RUNX2: variants seen among roughly 807,000 people sequenced by gnomAD.
The protein encoded by RUNX2 is RUNX family transcription factor 2.
RUNX2 carries 10 observed loss-of-function variants against 51.7 expected under a neutral mutation model. The observed-to-expected ratio is 0.19, with a 90% CI of 0.12 to 0.33. The LOEUF (loss-of-function observed/expected upper bound fraction) is 0.33, where lower values mean the gene tolerates loss of function less well. RUNX2 is among the 10% of genes least tolerant of loss of function. The pLI, the probability that RUNX2 is intolerant of heterozygous loss-of-function variation, is 1.00. For missense variants in RUNX2, 562 were observed against 691.3 expected, an observed-to-expected ratio of 0.81 and a Z score of 2.10; for synonymous variants, 276 against 273.6, an observed-to-expected ratio of 1.01 and a Z score of -0.09.
chr6:45,395,264 A>G (rs891314741), intron 2 of RUNX2, among the ~76,000 whole-genome samples: 2 of 152,322 alleles, frequency 1.3e-5, no homozygotes, highest in Middle Eastern at 3.4e-3. Flanking sequence ...CAAGCTCTTT[A>G]CATGTCACAT....
At chr6:45,456,439 T>C (rs755641681) in intron 5 of RUNX2, among the ~76,000 whole-genome samples, 7 of 152,346 alleles carry the variant, frequency 4.6e-5, no homozygotes, top group South Asian at 2.1e-4. Flanking sequence ...GCCCACTGCA[T>C]TATTTTCTGA....
chr6:45,449,985 C>T (rs1484896615), intron 5 of RUNX2, among the ~76,000 whole-genome samples: 4 of 152,154 alleles, frequency 2.6e-5, no homozygotes, highest in South Asian at 4.1e-4. Context: ...CTACTAACAT[C>T]GTGATGTGTA....
intron 5 of RUNX2, among the ~76,000 whole-genome samples, chr6:45,485,697 G>GTATGTATATATATATATATATATATA (rs1800261446): frequency 1.9e-5 from 2 of 104,034 alleles, no homozygotes; most frequent in African/African-American, 7.6e-5. Flanking sequence ...GTGTGTGTGT[G>GTATGTATATATATATATATATATATA]TATATATATA....
At chr6:45,533,586 T>G (rs1290704037) in intron 7 of RUNX2, among the ~76,000 whole-genome samples, 1 of 152,198 alleles carries the variant, frequency 6.6e-6, no homozygotes, top group East Asian at 1.9e-4. Context: ...ACGCTGAGAC[T>G]GTCAGAGGAA....
chr6:45,460,359 G>A (rs1799438212), intron 5 of RUNX2, among the ~76,000 whole-genome samples: 1 of 152,146 alleles, frequency 6.6e-6, no homozygotes, highest in African/African-American at 2.4e-5. Context: ...TGCTGACCAA[G>A]GACTGTCATT....
chr6:45,397,994 G>A (rs1021358599), intron 2 of RUNX2, among the ~76,000 whole-genome samples: 3 of 152,160 alleles, frequency 2.0e-5, no homozygotes, highest in African/African-American at 7.2e-5. Context: ...TTCAGTGGAT[G>A]ATTTACACTC....
At chr6:45,386,911 AT>A (rs34922591) in intron 2 of RUNX2, among the ~76,000 whole-genome samples, 3 of 152,160 alleles carry the variant, frequency 2.0e-5, no homozygotes, top group Admixed American at 2.0e-4. Context: ...CCTTGGAATA[AT>A]TTTTTTTAAT....
intron 2 of RUNX2, among the ~76,000 whole-genome samples, chr6:45,336,800 T>C (rs1164485451): frequency 6.6e-6 from 1 of 151,482 alleles, no homozygotes; most frequent in African/African-American, 2.4e-5. Context: ...ATAATACATG[T>C]AACTCAAATT....
chr6:45,435,055 A>G (rs192940472), intron 4 of RUNX2, among the ~76,000 whole-genome samples: 1 of 152,300 alleles, frequency 6.6e-6, no homozygotes, highest in African/African-American at 2.4e-5. Flanking sequence ...TGTAGTTGTT[A>G]ATTACATCTT....
chr6:45,456,007 T>C (rs1006640583), intron 5 of RUNX2, among the ~76,000 whole-genome samples: 6 of 152,332 alleles, frequency 3.9e-5, no homozygotes, highest in Non-Finnish European at 8.8e-5. Context: ...AGCATATATA[T>C]GATGCTCAGT....
At chr6:45,370,710 C>T (rs1795919765) in intron 2 of RUNX2, among the ~76,000 whole-genome samples, 1 of 151,974 alleles carries the variant, frequency 6.6e-6, no homozygotes, top group South Asian at 2.1e-4. Context: ...GAAAACTACC[C>T]CCATCCTTTC....
Position 45,460,532 on chromosome 6 carries a change from A to G in RUNX2, c.685+22481A>G, listed in dbSNP as rs145663085. ...CACTTTCAGGATGTTTAAAGGGAGC[A>G]GGGAAATGGGGCAGTAACCGGAAGG... On this transcript the variant is annotated intron_variant, in intron 5 of 8. Transcript: ENST00000647337. 4.8e-3 allele frequency among the ~76,000 whole-genome samples: 728 copies of G among 152,330 alleles called. 3 individuals carry two copies. The highest frequency in any genetic ancestry group is 6.0e-3 in the Non-Finnish European group (411 of 68,030).
At chr6:45,521,403 G>A (rs990440962) in intron 7 of RUNX2, among the ~76,000 whole-genome samples, 7 of 152,202 alleles carry the variant, frequency 4.6e-5, no homozygotes, top group African/African-American at 1.4e-4. Context: ...TATCAAGACT[G>A]TATCTGTTTC....
At chr6:45,428,129 G>A (rs1434885938) in intron 3 of RUNX2, among the ~76,000 whole-genome samples, 1 of 152,156 alleles carries the variant, frequency 6.6e-6, no homozygotes, top group Non-Finnish European at 1.5e-5. Context: ...TAGGATGGAA[G>A]CAAATTCTAA....
chr6:45,338,734 C>T (rs967588), intron 2 of RUNX2, among the ~76,000 whole-genome samples: 23,344 of 152,016 alleles, frequency 0.15, 2,034 homozygotes, highest in East Asian at 0.26. Flanking sequence ...TATAAAACAT[C>T]CAAGTATGCA....
chr6:45,447,066 G>A (rs1004074159), intron 5 of RUNX2, among the ~76,000 whole-genome samples: 3 of 152,170 alleles, frequency 2.0e-5, no homozygotes, highest in Admixed American at 1.3e-4. Context: ...CCTGGAAAAG[G>A]TAACTCAGAC....
intron 2 of RUNX2, among the ~76,000 whole-genome samples, chr6:45,344,573 T>C (rs534931832): frequency 2.0e-5 from 3 of 152,254 alleles, no homozygotes; most frequent in East Asian, 1.9e-4. Flanking sequence ...CTTTACGATA[T>C]GCACAACAAA....
chr6:45,541,881 T>C (rs866658528), intron 7 of RUNX2, among the ~76,000 whole-genome samples: 3 of 152,214 alleles, frequency 2.0e-5, no homozygotes, highest in South Asian at 4.1e-4. Context: ...GAGATCTCCT[T>C]ACCCATTTTC....
chr6:45,383,157 G>T (rs960030403), intron 2 of RUNX2, among the ~76,000 whole-genome samples: 1 of 152,098 alleles, frequency 6.6e-6, no homozygotes, highest in Non-Finnish European at 1.5e-5. Flanking sequence ...GTTCTGGGCC[G>T]GGCACGGTGA....
Sources: allele counts gnomAD v4.1 joint callset (sites outside exome capture counted in the v4.1 genomes callset), GRCh38; gene constraint gnomAD v4.1.1; transcripts MANE v1.5; gene names NCBI Gene and HGNC (gene_info 2026-07-23, HGNC 2026-07-21).